The following SLC41A2 variants were observed in gnomAD, a reference collection of about 807,000 sequenced individuals.
SLC41A2 encodes the protein solute carrier family 41 member 2.
SLC41A2 carries 32 observed loss-of-function variants against 58.3 expected under a neutral mutation model. The ratio of observed to expected loss-of-function variants is 0.55; its 90% CI spans 0.41 to 0.74. The LOEUF (loss-of-function observed/expected upper bound fraction) is 0.74, where lower values mean the gene tolerates loss of function less well. SLC41A2 is among the 30% of genes least tolerant of loss of function. The probability of loss-of-function intolerance (pLI) is 0.00; values close to 1 mark genes in which losing one functional copy is unlikely to be tolerated. For missense variants in SLC41A2, 514 were observed against 680.6 expected (o/e 0.76, Z 2.72); for synonymous variants, 190 against 235.0 (o/e 0.81, Z 1.75).
At position 104,854,827 on chromosome 12, in the gene SLC41A2, A is replaced by G. The variant is rs557600778; in HGVS notation, c.1255+6464T>C. 1.9e-3 allele frequency among the ~76,000 whole-genome samples: 291 copies of G among 152,278 alleles called. 3 individuals carry two copies. Among genetic ancestry groups the G allele is most frequent in the African/African-American group, 6.4e-3 (267 of 41,552 alleles). ...TGAATCTCTCTACTTTCCTGGGACA[A>G]CTGAGGCTGTCAGTTGTAAGACCCT... On this transcript the variant is annotated intron_variant, in intron 8 of 10. Transcript: ENST00000258538.
chr12:104,868,182 C>T (rs2043569009), intron 6 of SLC41A2, among the ~76,000 whole-genome samples: 1 of 151,894 alleles, frequency 6.6e-6, no homozygotes, highest in Non-Finnish European at 1.5e-5. Context: ...CCTTGTAAGC[C>T]AACAGATAAG....
intron 6 of SLC41A2, among the ~76,000 whole-genome samples, chr12:104,871,833 G>T (rs760635659): frequency 6.6e-6 from 1 of 152,116 alleles, no homozygotes; most frequent in Non-Finnish European, 1.5e-5. Flanking sequence ...AAATAAGAAC[G>T]CAGTTTTGTC....
intron 10 of SLC41A2, among the ~76,000 whole-genome samples, chr12:104,807,564 A>G (rs1375418680): frequency 1.3e-5 from 2 of 152,304 alleles, no homozygotes; most frequent in African/African-American, 4.8e-5. Flanking sequence ...TTTTGGTTCC[A>G]TATGAACTTT....
intron 1 of SLC41A2, among the ~76,000 whole-genome samples, chr12:104,943,716 G>T (rs773513631): frequency 5.3e-5 from 8 of 152,160 alleles, no homozygotes; most frequent in South Asian, 4.1e-4. Context: ...TGAGAGGGGG[G>T]ACTGAGAGAC....
intron 1 of SLC41A2, among the ~76,000 whole-genome samples, chr12:104,932,624 C>CAAAAAAAAAAAAAAAAAAAAAA (rs544329617): frequency 2.4e-4 from 11 of 46,060 alleles, no homozygotes; most frequent in East Asian, 1.9e-3. Flanking sequence ...GACTTTGTCT[C>CAAAAAAAAAAAAAAAAAAAAAA]AAAAAAAAAA....
intron 1 of SLC41A2, among the ~76,000 whole-genome samples, chr12:104,931,129 T>C (rs3923753): frequency 0.12 from 17,632 of 152,232 alleles, 1,708 homozygotes; most frequent in East Asian, 0.37. Flanking sequence ...CCTCAGCAAG[T>C]ACCTTCATGC....
intron 8 of SLC41A2, among the ~76,000 whole-genome samples, chr12:104,846,757 C>A (rs2042613866): frequency 6.6e-6 from 1 of 152,122 alleles, no homozygotes; most frequent in African/African-American, 2.4e-5. Flanking sequence ...CACAGGGTAG[C>A]CGGAGCATGC....
chr12:104,901,724 AT>A (rs898779142), intron 3 of SLC41A2, among the ~76,000 whole-genome samples: 4 of 151,832 alleles, frequency 2.6e-5, no homozygotes, highest in Admixed American at 1.3e-4. Flanking sequence ...TAATTTTTTT[AT>A]TTTTTGTAGG....
intron 10 of SLC41A2, among the ~76,000 whole-genome samples, chr12:104,821,303 A>T (rs1288978365): frequency 6.6e-6 from 1 of 152,182 alleles, no homozygotes; most frequent in Non-Finnish European, 1.5e-5. Flanking sequence ...TATTAAAAAA[A>T]ATTCCCAAGG....
chr12:104,862,662 T>C (rs776666784), intron 7 of SLC41A2, among the ~76,000 whole-genome samples: 9 of 152,208 alleles, frequency 5.9e-5, no homozygotes, highest in Non-Finnish European at 1.2e-4. Flanking sequence ...TTGTTACTTA[T>C]TTAAATTGAC....
At chr12:104,897,440 C>T (rs1286142900) in intron 3 of SLC41A2, among the ~76,000 whole-genome samples, 2 of 151,946 alleles carry the variant, frequency 1.3e-5, no homozygotes, top group Non-Finnish European at 2.9e-5. Context: ...CCACCACACC[C>T]AGTGTCACTT....
intron 6 of SLC41A2, among the ~76,000 whole-genome samples, chr12:104,879,519 G>C (rs1593057267): frequency 6.6e-6 from 1 of 152,182 alleles, no homozygotes; most frequent in Admixed American, 6.5e-5. Flanking sequence ...CATATGGCTA[G>C]CCAGTTTCCC....
chr12:104,820,766 C>T (rs776290713), intron 10 of SLC41A2, among the ~76,000 whole-genome samples: 22 of 152,042 alleles, frequency 1.4e-4, no homozygotes, highest in Non-Finnish European at 2.1e-4. Flanking sequence ...CTCAGCCTTC[C>T]GAAGTAGGTA....
chr12:104,943,154 G>GA (rs2047575981), intron 1 of SLC41A2, among the ~76,000 whole-genome samples: 4 of 151,880 alleles, frequency 2.6e-5, no homozygotes, highest in East Asian at 1.9e-4. Context: ...AGTTTAAAAG[G>GA]AAAAAAAGCA....
intron 10 of SLC41A2, among the ~76,000 whole-genome samples, chr12:104,820,475 A>T (rs1476580214): frequency 6.6e-6 from 1 of 152,156 alleles, no homozygotes; most frequent in East Asian, 1.9e-4. Context: ...TTAATAACAA[A>T]ACAAAACAAA....
intron 4 of SLC41A2, among the ~76,000 whole-genome samples, chr12:104,892,219 C>T (rs1033354610): frequency 2.0e-5 from 3 of 150,802 alleles, no homozygotes; most frequent in East Asian, 1.9e-4. Context: ...ACTCAGGAGG[C>T]GGAGGCTGTA....
At chr12:104,917,872 A>T (rs1443012465) in intron 2 of SLC41A2, among the ~76,000 whole-genome samples, 1 of 148,792 alleles carries the variant, frequency 6.7e-6, no homozygotes, top group Non-Finnish European at 1.5e-5. Context: ...ACCTAATGCT[A>T]AATGATGAGT....
chr12:104,951,287 G>A (rs907068037), intron 1 of SLC41A2, among the ~76,000 whole-genome samples: 6 of 152,094 alleles, frequency 3.9e-5, no homozygotes, highest in Non-Finnish European at 8.8e-5. Context: ...GTTCTACAAT[G>A]TACTACTTAA....
chr12:104,895,545 A>T (rs530993154), intron 3 of SLC41A2, among the ~76,000 whole-genome samples, 200 bp from the exon 4 acceptor site: 4 of 152,334 alleles, frequency 2.6e-5, no homozygotes, highest in Admixed American at 6.5e-5. Flanking sequence ...TTAGAGAAAA[A>T]AAATTTTTTT....
Sources: allele counts gnomAD v4.1 joint callset (sites outside exome capture counted in the v4.1 genomes callset), GRCh38; gene constraint gnomAD v4.1.1; transcripts MANE v1.5; gene names NCBI Gene and HGNC (gene_info 2026-07-23, HGNC 2026-07-21).